RET: variants seen among roughly 807,000 people sequenced by gnomAD.
RET encodes the protein ret proto-oncogene, also known as proto-oncogene tyrosine-protein kinase receptor Ret.
RET carries 19 observed loss-of-function variants against 118.3 expected under a neutral mutation model. That is an observed-to-expected ratio of 0.16 (90% CI 0.11 to 0.24). RET has a LOEUF of 0.24. RET is among the 10% of genes least tolerant of loss of function. The pLI is 1.00. For synonymous variants in RET, 597 were observed against 644.1 expected, an observed-to-expected ratio of 0.93 and a Z score of 1.11; for missense variants, 1,219 against 1,502.1, an observed-to-expected ratio of 0.81 and a Z score of 3.12.
Position 43,112,926 on chromosome 10 carries a change from G to A in RET, c.1722G>A (p.Glu574=). ...CCGACGGCCACTGCGATGTTGTGGAGACCCAAGACATCAACATTTGCCCTC... is the reference window on the plus strand; with the variant it reads ...CCGACGGCCACTGCGATGTTGTGGAAACCCAAGACATCAACATTTGCCCTC... ...TCPDGHCDVV[E]TQDINICPQD... is the part of the protein sequence containing the mutation. Residue 574 remains glutamate, a synonymous_variant, in exon 9 of 20, where the codon GAG becomes GAA. Transcript: ENST00000355710. 6.2e-7 allele frequency: 1 copy of A among 1,614,152 alleles called. No individual in the cohort carries two copies. The highest frequency in any genetic ancestry group is 1.3e-5 in the African/African-American group (1 of 75,042).
chr10:43,082,650 C>T (rs1429668546), intron 1 of RET, among the ~76,000 whole-genome samples: 3 of 152,176 alleles, frequency 2.0e-5, no homozygotes, highest in African/African-American at 4.8e-5. Context: ...GCCAGGGTTC[C>T]AAGGAAGCAC....
chr10:43,078,602 CTCTGACGCTGTCTTGGGAT>C (rs973240049), intron 1 of RET, among the ~76,000 whole-genome samples: 1 of 152,242 alleles, frequency 6.6e-6, no homozygotes, highest in Non-Finnish European at 1.5e-5. Context: ...AAACAAGGCG[CTCTGACGCTGTCTTGGGAT>C]TCTGGGCTGT....
rs1838418206 is a variant in RET at position 43,130,280 on chromosome 10, A to T, written c.*2011A>T. On this transcript the variant is annotated 3_prime_UTR_variant, in exon 20 of 20. Coordinates refer to ENST00000355710, the MANE Select transcript of RET (RefSeq NM_020975.6). ...TATTTATGAAAGGTCATTAAACCAG[A>T]TCATGTTCCTTTTTTTGTAATCAAG... The T allele has an allele frequency of 2.8e-6, 1 of 360,140 alleles. No homozygotes were observed. 22.3% of individuals were successfully genotyped at this position (360,140 alleles called of 1,614,324 possible). A position where few individuals can be genotyped will look rare whatever the true frequency, so the allele number is the denominator to read the frequency against.
In RET at chr10:43,106,603, GC is replaced by G; in HGVS notation, c.1063+37del. The G allele has an allele frequency of 6.2e-7, 1 of 1,606,204 alleles. No homozygotes were observed. Among genetic ancestry groups the G allele is most frequent in the Admixed American group, 1.7e-5 (1 of 59,328 alleles). ...GGGGCTGGTGGCACGGCCTGGCTAG[GC>G]CCCCAGGAAATGAGGTGCTCGCTCT... On this transcript the variant is annotated intron_variant, in intron 5 of 19. Coordinates refer to ENST00000355710, the MANE Select transcript of RET (RefSeq NM_020975.6). The surrounding 1 kb of genome is among the most constrained non-coding windows in gnomAD (Gnocchi z 5.1).
chr10:43,103,116 C>T (rs569094341), intron 3 of RET, among the ~76,000 whole-genome samples: 5 of 152,072 alleles, frequency 3.3e-5, no homozygotes, highest in African/African-American at 7.2e-5. Context: ...GTGCACTGAG[C>T]GACAGGGAAG....
chr10:43,127,413 C>T, intron 19 of RET: 1 of 1,058,278 alleles, frequency 9.4e-7, no homozygotes, highest in Non-Finnish European at 1.1e-6. Context: ...TTTGAAAGAA[C>T]ATGGTCTGTG....
chr10:43,114,800 G>A lies in RET; in HGVS notation c.2136+64G>A. Reference sequence around the variant, plus strand: ...CCCCAGCTGCCTTCCAGGGAGGGAGGCCAGCTGGGGAGACAGAGGCCATCC... The same window carrying A: ...CCCCAGCTGCCTTCCAGGGAGGGAGACCAGCTGGGGAGACAGAGGCCATCC... On this transcript the variant is annotated intron_variant, in intron 11 of 19. Coordinates refer to ENST00000355710, the MANE Select transcript of RET (RefSeq NM_020975.6). This position sits in a 1 kb window ranked among gnomAD's most constrained non-coding sequence, Gnocchi z 4.6. 1.3e-6 allele frequency: 2 copies of A among 1,522,442 alleles called. No homozygotes were observed. Among genetic ancestry groups the A allele is most frequent in the Admixed American group, 2.0e-5 (1 of 49,468 alleles). 94.3% of individuals were successfully genotyped at this position (1,522,442 alleles called of 1,614,324 possible). A position where few individuals can be genotyped will look rare whatever the true frequency, so the allele number is the denominator to read the frequency against.
At chr10:43,118,551 C>A in intron 13 of RET, 71 bp downstream of exon 13, 1 of 1,090,992 alleles carries the variant, frequency 9.2e-7, no homozygotes, top group South Asian at 1.3e-5. Flanking sequence ...GCCCTGTTCT[C>A]CCTCTTTCTC....
At position 43,118,269 on chromosome 10, in the gene RET, G is replaced by A. The variant is rs1838119144; in HGVS notation, c.2285-104G>A. On this transcript the variant is annotated intron_variant, in intron 12 of 19. Coordinates refer to ENST00000355710, the MANE Select transcript of RET (RefSeq NM_020975.6). Reference sequence around the variant, plus strand: ...CAGCATCGTCTTTGCAGGCCTCTCTGTCTGAACTTGGGCAAGGCGATGCAG... The same window carrying A: ...CAGCATCGTCTTTGCAGGCCTCTCTATCTGAACTTGGGCAAGGCGATGCAG... 6.8e-6 allele frequency: 6 copies of A among 882,994 alleles called. No individual in the cohort carries two copies. The South Asian group carries it at 8.5e-5, about 12-fold the overall frequency. 54.7% of individuals were successfully genotyped at this position (882,994 alleles called of 1,614,324 possible).
intron 3 of RET, 23 bp downstream of exon 3, chr10:43,102,652 C>T (rs763380353): frequency 1.9e-5 from 30 of 1,613,028 alleles, no homozygotes; most frequent in South Asian, 6.6e-5. Flanking sequence ...CTTGTGGGGC[C>T]GCCCCACAGT....
rs933821385 is a variant in RET, at chr10:43,112,488, C to T, written c.1648+264C>T. Among the ~76,000 whole-genome samples the T allele has an allele frequency of 8.5e-5, 13 of 152,190 alleles. 1 individual carries two copies. Among genetic ancestry groups the T allele is most frequent in the Admixed American group, 8.5e-4 (13 of 15,284 alleles). On this transcript the variant is annotated intron_variant, in intron 8 of 19. Coordinates refer to ENST00000355710, the MANE Select transcript of RET (RefSeq NM_020975.6). ...AACCAAAGTTGGGATGTGCTGGGGACAGAATGGCGTTTTTCTGGGAGGTCC... is the reference window on the plus strand; with the variant it reads ...AACCAAAGTTGGGATGTGCTGGGGATAGAATGGCGTTTTTCTGGGAGGTCC...
Position 43,112,134 on chromosome 10 carries a change from G to A in RET, c.1558G>A (p.Ala520Thr), listed in dbSNP as rs762930066. 2 of 1,600,584 alleles carry A rather than the reference G, an allele frequency of 1.2e-6. No individual in the cohort carries two copies. Among genetic ancestry groups the A allele is most frequent in the Non-Finnish European group, 1.7e-6 (2 of 1,173,610 alleles). ...GGAGGCGGGCTGCCCCCTGTCCTGT[G>A]CAGTCAGCAAGAGACGGCTGGAGTG... is the stretch of plus-strand genomic sequence containing the variant. ...AEEAGCPLSCAVSKRRLECEE... is the reference protein window; with the variant it reads ...AEEAGCPLSCTVSKRRLECEE... The change falls in exon 8 of 20, where the codon GCA (alanine) becomes ACA (threonine). Residue 520 changes from alanine to threonine, a missense_variant. This residue lies in a region of RET where 850 missense variants were observed against 969.6 expected (regional missense o/e 0.88). Transcript: ENST00000355710.
intron 1 of RET, among the ~76,000 whole-genome samples, chr10:43,078,824 CT>C (rs2132510175): frequency 6.6e-6 from 1 of 152,362 alleles, no homozygotes; most frequent in South Asian, 2.1e-4. Flanking sequence ...GCCCAGACCC[CT>C]GGCCCACAGA....
At chr10:43,120,260 C>A (rs200164695) in intron 15 of RET, 57 bp downstream of exon 15, 2 of 1,605,764 alleles carry the variant, frequency 1.2e-6, no homozygotes, top group Middle Eastern at 4.5e-4. Context: ...CACCATGGGG[C>A]AGGCAGTGCC....
At chr10:43,082,746 G>A (rs1372961178) in intron 1 of RET, among the ~76,000 whole-genome samples, 1 of 152,242 alleles carries the variant, frequency 6.6e-6, no homozygotes, top group Admixed American at 6.5e-5. Context: ...TGACTCCAGA[G>A]GATTCTCGCC....
intron 1 of RET, among the ~76,000 whole-genome samples, chr10:43,100,155 ACT>A (rs1588862114): frequency 6.6e-6 from 1 of 151,992 alleles, no homozygotes; most frequent in South Asian, 2.1e-4. Context: ...GCCCTTGAAC[ACT>A]CTGGCTCTGG....
At chr10:43,111,101 C>G in intron 6 of RET, 106 bp from the exon 7 acceptor site, 1 of 1,538,250 alleles carries the variant, frequency 6.5e-7, no homozygotes, top group South Asian at 1.1e-5. Flanking sequence ...TCTCCAGGCC[C>G]AGTTGGGGGC....
At chr10:43,078,876 G>A (rs1837114116) in intron 1 of RET, among the ~76,000 whole-genome samples, 1 of 152,178 alleles carries the variant, frequency 6.6e-6, no homozygotes, top group African/African-American at 2.4e-5. Context: ...CTAGCCCCTG[G>A]GATAACCCGG....
rs1037051951 is a variant in RET at position 43,129,662 on chromosome 10, G to A, written c.*1393G>A. 2.8e-5 allele frequency: 8 copies of A among 290,390 alleles called. No homozygotes were observed. Among genetic ancestry groups the A allele is most frequent in the Non-Finnish European group, 4.4e-5 (7 of 157,566 alleles). 18.0% of individuals were successfully genotyped at this position (290,390 alleles called of 1,614,324 possible). ...GCTCTTCAGACTTAAAGCACTGATA[G>A]GACTTAAAATAGTCTCATTCAAATA... On this transcript the variant is annotated 3_prime_UTR_variant, in exon 20 of 20. Coordinates refer to ENST00000355710, the MANE Select transcript of RET (RefSeq NM_020975.6).
Sources: allele counts gnomAD v4.1 joint callset (sites outside exome capture counted in the v4.1 genomes callset), GRCh38; gene constraint gnomAD v4.1.1; regional missense constraint gnomAD v4.1.1; non-coding constraint Gnocchi (gnomAD v3.1); transcripts MANE v1.5; gene names NCBI Gene and HGNC (gene_info 2026-07-23, HGNC 2026-07-21).